The following RNF13 variants were observed in gnomAD, a reference collection of about 807,000 sequenced individuals.
RNF13 encodes the protein E3 ubiquitin-protein ligase RNF13.
A neutral mutation model predicts 37.7 loss-of-function variants in RNF13; 19 were observed. That is an observed-to-expected ratio of 0.50 (90% CI 0.35 to 0.74). The LOEUF is 0.74. Among genes scored for constraint, RNF13 ranks in the 30% least tolerant of loss-of-function variants. The pLI, the probability that RNF13 is intolerant of heterozygous loss-of-function variation, is 0.01. For missense variants in RNF13, 375 were observed against 453.0 expected (o/e 0.83, Z 1.56); for synonymous variants, 144 against 157.8 (o/e 0.91, Z 0.65).
In RNF13 at chr3:149,912,092, A is replaced by G. The variant is rs768147721; in HGVS notation, c.606+9A>G. On this transcript the variant is annotated intron_variant, in intron 7 of 9. Transcript: ENST00000392894. ...TGATAGTCATTTTCATGGTAGGTAC[A>G]TTAACTTTTAATAATTTTTAAAAAA... The G allele has an allele frequency of 7.5e-7, 1 of 1,333,978 alleles. No homozygotes were observed. 82.6% of individuals were successfully genotyped at this position (1,333,978 alleles called of 1,614,324 possible). A position where few individuals can be genotyped will look rare whatever the true frequency, so the allele number is the denominator to read the frequency against.
At chr3:149,936,163 CTTTT>C (rs1488055797) in intron 8 of RNF13, among the ~76,000 whole-genome samples, 1 of 151,526 alleles carries the variant, frequency 6.6e-6, no homozygotes, top group African/African-American at 2.4e-5. Flanking sequence ...TTATGCTCCT[CTTTT>C]TGTTTTTGAC....
chr3:149,891,247 T>C (rs1361778143), intron 4 of RNF13, among the ~76,000 whole-genome samples: 2 of 152,198 alleles, frequency 1.3e-5, no homozygotes, highest in African/African-American at 4.8e-5. Context: ...TGGAGTTGTA[T>C]TGAATATTAG....
At chr3:149,815,501 T>C (rs1404474367) in intron 1 of RNF13, among the ~76,000 whole-genome samples, 1 of 152,224 alleles carries the variant, frequency 6.6e-6, no homozygotes, top group East Asian at 1.9e-4. Context: ...CCATATGGCA[T>C]TGCATATGAT....
intron 8 of RNF13, among the ~76,000 whole-genome samples, chr3:149,923,209 C>A (rs1283969383): frequency 6.6e-6 from 1 of 151,980 alleles, no homozygotes; most frequent in Non-Finnish European, 1.5e-5. Flanking sequence ...TATTATTATA[C>A]AGTGATTTAC....
chr3:149,943,486 G>A lies in RNF13; in HGVS notation c.701-16570G>A, dbSNP rs534466628. ...CCTATTATCAACATCCTGCACCAGAGTGGTACATCTGTTGCAACTGATGAA... is the reference window on the plus strand; with the variant it reads ...CCTATTATCAACATCCTGCACCAGAATGGTACATCTGTTGCAACTGATGAA... On this transcript the variant is annotated intron_variant, in intron 8 of 9. Transcript: ENST00000392894. 6.6e-5 allele frequency among the ~76,000 whole-genome samples: 10 copies of A among 152,282 alleles called. No individual in the cohort carries two copies. The South Asian group carries it at 1.9e-3, about 28-fold the overall frequency.
chr3:149,897,274 C>A (rs1715366906), intron 5 of RNF13, among the ~76,000 whole-genome samples: 1 of 152,192 alleles, frequency 6.6e-6, no homozygotes, highest in Admixed American at 6.5e-5. Flanking sequence ...GCTAAAGGCC[C>A]AAGCCCAGGA....
intron 9 of RNF13, 26 bp from the exon 10 acceptor site, chr3:149,960,714 T>C (rs747180213): frequency 1.3e-6 from 2 of 1,573,484 alleles, no homozygotes; most frequent in Non-Finnish European, 1.7e-6. Context: ...GCATACTAAC[T>C]AAAGATGTAT....
intron 6 of RNF13, 146 bp downstream of exon 6, chr3:149,902,308 C>A: frequency 2.3e-6 from 1 of 443,386 alleles, no homozygotes; most frequent in Non-Finnish European, 4.1e-6. Flanking sequence ...GCTTTTAAGA[C>A]GTAGTATTTT....
intron 1 of RNF13, among the ~76,000 whole-genome samples, chr3:149,838,025 G>A (rs1721801590): frequency 6.6e-6 from 1 of 152,090 alleles, no homozygotes; most frequent in Non-Finnish European, 1.5e-5. Flanking sequence ...AAATCAAAAG[G>A]GCTACAGGCC....
intron 4 of RNF13, among the ~76,000 whole-genome samples, chr3:149,877,472 C>CTTTTTTTTTTTTTTTTTTGT (rs1712861295): frequency 9.9e-6 from 1 of 101,486 alleles, no homozygotes; most frequent in African/African-American, 3.8e-5. Context: ...TTCTTTCTGT[C>CTTTTTTTTTTTTTTTTTTGT]TTTTTTTTTT....
chr3:149,863,125 A>G (rs1055257857), intron 3 of RNF13, among the ~76,000 whole-genome samples: 1 of 152,216 alleles, frequency 6.6e-6, no homozygotes, highest in Non-Finnish European at 1.5e-5. Flanking sequence ...GAATACTGAA[A>G]TAATTCCTCT....
In RNF13 at chr3:149,952,145, T is replaced by TA. The variant is rs528896054; in HGVS notation, c.701-7911_701-7910insA. Among the ~76,000 whole-genome samples, 76 of 152,314 alleles carry TA rather than the reference T, an allele frequency of 5.0e-4. 1 individual carries two copies. In the East Asian group the frequency reaches 0.014, roughly 28 times the overall value. ...AGTATATAATACTCATTTCATCATA[T>TA]TCTACATTAACAAGGTAAAATATCC... is the stretch of plus-strand genomic sequence containing the variant. On this transcript the variant is annotated intron_variant, in intron 8 of 9. Coordinates refer to ENST00000392894, the MANE Select transcript of RNF13 (RefSeq NM_183381.3).
At position 149,855,734 on chromosome 3, in the gene RNF13, C is replaced by T. The variant is rs1026585803; in HGVS notation, c.195+3138C>T. Reference sequence around the variant, plus strand: ...TGTACATCTAAAAGTTTCATAGATACTGCCAAATTACCTTTGCAAAGGCTG... The same window carrying T: ...TGTACATCTAAAAGTTTCATAGATATTGCCAAATTACCTTTGCAAAGGCTG... On this transcript the variant is annotated intron_variant, in intron 3 of 9. Coordinates refer to ENST00000392894, the MANE Select transcript of RNF13 (RefSeq NM_183381.3). Among the ~76,000 whole-genome samples the T allele has an allele frequency of 2.6e-5, 4 of 151,884 alleles. No individual in the cohort carries two copies. In the South Asian group the frequency reaches 8.3e-4, roughly 31 times the overall value.
chr3:149,952,367 T>C (rs1020463062), intron 8 of RNF13, among the ~76,000 whole-genome samples: 7 of 152,052 alleles, frequency 4.6e-5, no homozygotes, highest in Admixed American at 3.3e-4. Context: ...CTAGAAGCAA[T>C]TGGGCTTTAT....
At chr3:149,879,542 A>C (rs1713141405) in intron 4 of RNF13, among the ~76,000 whole-genome samples, 1 of 152,070 alleles carries the variant, frequency 6.6e-6, no homozygotes, top group Admixed American at 6.6e-5. Flanking sequence ...TCCTGGGCTC[A>C]AGTGATCCTT....
chr3:149,875,601 T>C (rs1468681958), intron 4 of RNF13, among the ~76,000 whole-genome samples: 3 of 152,172 alleles, frequency 2.0e-5, no homozygotes, highest in Non-Finnish European at 2.9e-5. Context: ...GCTTTCCAAA[T>C]AAAGAGAGCC....
chr3:149,899,481 TA>T (rs200297572), intron 5 of RNF13, among the ~76,000 whole-genome samples: 42 of 151,232 alleles, frequency 2.8e-4, no homozygotes, highest in South Asian at 4.2e-4. Flanking sequence ...AATGAATAAA[TA>T]AAAAAAAATA....
At chr3:149,854,761 G>A (rs559916749) in intron 3 of RNF13, among the ~76,000 whole-genome samples, 14 of 152,162 alleles carry the variant, frequency 9.2e-5, no homozygotes, top group African/African-American at 3.1e-4. Flanking sequence ...CAAGCTAATC[G>A]AAGAGATACC....
At chr3:149,959,941 G>C in intron 8 of RNF13, 115 bp from the exon 9 acceptor site, 1 of 653,114 alleles carries the variant, frequency 1.5e-6, no homozygotes, top group Non-Finnish European at 2.7e-6. Context: ...AGATCCTTGA[G>C]TCCGATGCAA....
Sources: allele counts gnomAD v4.1 joint callset (sites outside exome capture counted in the v4.1 genomes callset), GRCh38; gene constraint gnomAD v4.1.1; transcripts MANE v1.5; gene names NCBI Gene and HGNC (gene_info 2026-07-23, HGNC 2026-07-21).